Variants in CAMTA1 observed in about 807,000 individuals in gnomAD.
CAMTA1 encodes the protein calmodulin-binding transcription activator 1.
A neutral mutation model predicts 170.9 loss-of-function variants in CAMTA1; 27 were observed. The observed-to-expected ratio is 0.16, with a 90% CI of 0.12 to 0.22. The LOEUF is 0.22. Ranked by LOEUF, CAMTA1 falls within the 10% of genes least tolerant of loss-of-function variation. The probability of loss-of-function intolerance (pLI) is 1.00; values close to 1 mark genes in which losing one functional copy is unlikely to be tolerated. For missense variants in CAMTA1, 1,619 were observed against 2,217.2 expected (o/e 0.73, Z 5.42); for synonymous variants, 833 against 891.5 (o/e 0.93, Z 1.17).
At position 6,997,088 on chromosome 1, in the gene CAMTA1, A is replaced by G. The variant is rs537449577; in HGVS notation, c.235-94216A>G. Among the ~76,000 whole-genome samples, 21 of 152,318 alleles carry G rather than the reference A, an allele frequency of 1.4e-4. No individual in the cohort carries two copies. In the Middle Eastern group the frequency reaches 0.014, roughly 99 times the overall value. On this transcript the variant is annotated intron_variant, in intron 3 of 22. Coordinates refer to ENST00000303635, the MANE Select transcript of CAMTA1 (RefSeq NM_015215.4). The stretch of plus-strand genomic sequence containing the variant: ...TGTTACAGTCTTACGTGTGGTTCCT[A>G]GGACGATGATTCTTTGGCATTCACC...
At chr1:7,616,989 G>A (rs1395637136) in intron 6 of CAMTA1, among the ~76,000 whole-genome samples, 1 of 152,206 alleles carries the variant, frequency 6.6e-6, no homozygotes, top group African/African-American at 2.4e-5. Flanking sequence ...CACCCGCAGG[G>A]AAGTTTTCCC....
intron 5 of CAMTA1, among the ~76,000 whole-genome samples, chr1:7,268,770 A>T (rs1669281263): frequency 1.3e-5 from 2 of 152,242 alleles, no homozygotes; most frequent in African/African-American, 2.4e-5. Flanking sequence ...TCATTACTAA[A>T]CATATAAGGA....
intron 4 of CAMTA1, among the ~76,000 whole-genome samples, chr1:7,186,985 G>T (rs1653444530): frequency 6.6e-6 from 1 of 152,010 alleles, no homozygotes. Flanking sequence ...TTAGTAGGGG[G>T]TAATTCAGAG....
rs890772406 is a variant in CAMTA1 at position 7,014,458 on chromosome 1, A to G, written c.235-76846A>G. Among the ~76,000 whole-genome samples, 1 of 151,864 alleles carries G rather than the reference A, an allele frequency of 6.6e-6. No individual in the cohort carries two copies. The highest frequency in any genetic ancestry group is 1.5e-5 in the Non-Finnish European group (1 of 67,976). Reference sequence around the variant, plus strand: ...ATCCCAGCGCCCACTACAAAGGTGAACTCCTTTTTGCTCCCTGCCCCAGCC... The same window carrying G: ...ATCCCAGCGCCCACTACAAAGGTGAGCTCCTTTTTGCTCCCTGCCCCAGCC... On this transcript the variant is annotated intron_variant, in intron 3 of 22. Transcript: ENST00000303635. The surrounding 1 kb of genome is among the most constrained non-coding windows in gnomAD (Gnocchi z 4.2).
chr1:7,751,141 C>A (rs573023255), intron 19 of CAMTA1, 58 bp from the exon 20 acceptor site: 1 of 1,359,568 alleles, frequency 7.4e-7, no homozygotes, highest in Non-Finnish European at 1.0e-6. Flanking sequence ...GCTCGAAGGA[C>A]GCTGAGCCCG....
At chr1:7,506,339 G>A (rs987696879) in intron 6 of CAMTA1, among the ~76,000 whole-genome samples, 2 of 152,130 alleles carry the variant, frequency 1.3e-5, no homozygotes, top group Non-Finnish European at 2.9e-5. Flanking sequence ...TGGAGCCCCG[G>A]CCCCACTCCC....
intron 5 of CAMTA1, among the ~76,000 whole-genome samples, chr1:7,304,158 A>G (rs1675227283): frequency 6.6e-6 from 1 of 152,340 alleles, no homozygotes; most frequent in South Asian, 2.1e-4. Flanking sequence ...TGATTGCACA[A>G]CAATGCGAAC....
intron 6 of CAMTA1, among the ~76,000 whole-genome samples, chr1:7,516,358 T>A (rs1055647380): frequency 1.3e-5 from 2 of 152,242 alleles, no homozygotes; most frequent in Admixed American, 6.5e-5. Context: ...CGAAGCCTCC[T>A]GTTGGAGTCA....
At position 7,067,683 on chromosome 1, in the gene CAMTA1, A is replaced by G. The variant is rs942561468; in HGVS notation, c.235-23621A>G. Among the ~76,000 whole-genome samples, 2 of 152,192 alleles carry G rather than the reference A, an allele frequency of 1.3e-5. No individual in the cohort carries two copies. The highest frequency in any genetic ancestry group is 4.8e-5 in the African/African-American group (2 of 41,440). ...AGGATCAGTTTTACCAGGCAAGGGCAACTTTTGATGGTTTCCCCAATAGCA... is the reference window on the plus strand; with the variant it reads ...AGGATCAGTTTTACCAGGCAAGGGCGACTTTTGATGGTTTCCCCAATAGCA... On this transcript the variant is annotated intron_variant, in intron 3 of 22. Coordinates refer to ENST00000303635, the MANE Select transcript of CAMTA1 (RefSeq NM_015215.4). This position sits in a 1 kb window ranked among gnomAD's most constrained non-coding sequence, Gnocchi z 4.3.
Position 7,251,492 on chromosome 1 carries a change from G to A in CAMTA1, c.438+1866G>A, listed in dbSNP as rs1312081189. The stretch of plus-strand genomic sequence containing the variant: ...GGGCAGCGGGAAGAGCCGGTGACAC[G>A]ATGCTTGCTTTGGGTTCTCAGAGAG... On this transcript the variant is annotated intron_variant, in intron 5 of 22. Coordinates refer to ENST00000303635, the MANE Select transcript of CAMTA1 (RefSeq NM_015215.4). This position sits in a 1 kb window ranked among gnomAD's most constrained non-coding sequence, Gnocchi z 5.1. Among the ~76,000 whole-genome samples the A allele has an allele frequency of 6.6e-6, 1 of 152,122 alleles. No individual in the cohort carries two copies. The highest frequency in any genetic ancestry group is 2.4e-5 in the African/African-American group (1 of 41,410).
intron 2 of CAMTA1, among the ~76,000 whole-genome samples, chr1:6,823,214 G>A (rs936650306): frequency 6.6e-6 from 1 of 152,110 alleles, no homozygotes; most frequent in Non-Finnish European, 1.5e-5. Context: ...AAAGGCTCAC[G>A]TGATCTGGTA....
intron 6 of CAMTA1, among the ~76,000 whole-genome samples, chr1:7,499,654 TGTGAGTGTGTGC>T (rs2093940527): frequency 2.8e-5 from 4 of 142,564 alleles, no homozygotes; most frequent in African/African-American, 8.0e-5. Context: ...TGCATGTGTA[TGTGAGTGTGTGC>T]ATGAGTGTGT....
At chr1:7,384,926 G>A (rs909404721) in intron 5 of CAMTA1, among the ~76,000 whole-genome samples, 1 of 152,048 alleles carries the variant, frequency 6.6e-6, no homozygotes, top group Non-Finnish European at 1.5e-5. Context: ...TCAGCCAGGC[G>A]AGCGTGGGGA....
Position 7,333,985 on chromosome 1 carries a change from A to C in CAMTA1, c.438+84359A>C, listed in dbSNP as rs1196070068. Among the ~76,000 whole-genome samples the C allele has an allele frequency of 4.6e-5, 7 of 152,148 alleles. No individual in the cohort carries two copies. Among genetic ancestry groups the C allele is most frequent in the Non-Finnish European group, 1.0e-4 (7 of 68,022 alleles). On this transcript the variant is annotated intron_variant, in intron 5 of 22. Transcript: ENST00000303635. This position sits in a 1 kb window ranked among gnomAD's most constrained non-coding sequence, Gnocchi z 4.4. ...CTGGGGCTCTCTGCTCTCCAGCCTG[A>C]TGTGGGCAAATTGTGTCACGTAGCC... is the stretch of plus-strand genomic sequence containing the variant.
intron 5 of CAMTA1, among the ~76,000 whole-genome samples, chr1:7,363,350 T>C (rs1462737089): frequency 6.6e-6 from 1 of 152,216 alleles, no homozygotes; most frequent in Non-Finnish European, 1.5e-5. Flanking sequence ...GGGCTCTAGC[T>C]ATAAAATATT....
chr1:7,584,621 G>T (rs2095293004), intron 6 of CAMTA1, among the ~76,000 whole-genome samples: 1 of 152,206 alleles, frequency 6.6e-6, no homozygotes, highest in South Asian at 2.1e-4. Context: ...TGGGTATGCA[G>T]CAGAGAACAG....
chr1:7,638,592 A>C (rs1027035553), intron 6 of CAMTA1, among the ~76,000 whole-genome samples: 5 of 151,846 alleles, frequency 3.3e-5, no homozygotes, highest in African/African-American at 1.2e-4. Flanking sequence ...CAGTGAGCCG[A>C]TATTAGGCCA....
At chr1:7,713,789 A>G (rs1198746973) in intron 11 of CAMTA1, among the ~76,000 whole-genome samples, 1 of 152,258 alleles carries the variant, frequency 6.6e-6, no homozygotes, top group Non-Finnish European at 1.5e-5. Flanking sequence ...GAGGACTCAC[A>G]GCCTTTATAA....
chr1:6,948,150 T>C (rs985949208), intron 3 of CAMTA1, among the ~76,000 whole-genome samples: 3 of 152,164 alleles, frequency 2.0e-5, no homozygotes, highest in African/African-American at 7.2e-5. Flanking sequence ...GACTGAGGCT[T>C]AGAGTGGGTA....
Sources: allele counts gnomAD v4.1 joint callset (sites outside exome capture counted in the v4.1 genomes callset), GRCh38; gene constraint gnomAD v4.1.1; non-coding constraint Gnocchi (gnomAD v3.1); transcripts MANE v1.5; gene names NCBI Gene and HGNC (gene_info 2026-07-23, HGNC 2026-07-21).